Variants in PCDHGA1 observed in about 807,000 individuals in gnomAD.
The protein encoded by PCDHGA1 is protocadherin gamma-A1.
In PCDHGA1, 32 loss-of-function variants were observed where a neutral mutation model predicts 58.0. The observed-to-expected ratio is 0.55, with a 90% CI of 0.42 to 0.74. The LOEUF (loss-of-function observed/expected upper bound fraction) is 0.74. Ranked by LOEUF, PCDHGA1 falls within the 30% of genes least tolerant of loss-of-function variation. The pLI is 0.00. For synonymous variants in PCDHGA1, 498 were observed against 501.1 expected (o/e 0.99, Z 0.08); for missense variants, 1,205 against 1,182.3 (o/e 1.02, Z -0.28).
intron 1 of PCDHGA1, chr5:141,346,558 G>A (rs763459310): frequency 6.7e-7 from 1 of 1,488,910 alleles, no homozygotes; most frequent in Non-Finnish European, 9.1e-7. Flanking sequence ...CCATGAGGTT[G>A]TCATTAGTCC....
At position 141,485,073 on chromosome 5, in the gene PCDHGA1, C is replaced by T. The variant is rs1167407526; in HGVS notation, c.2422-9734C>T. ...CGGCCGAACCGCGCCAGAGCTGGCG[C>T]GGGGAAAGGGAGATAGGTGTCTCCA... On this transcript the variant is annotated intron_variant, in intron 1 of 3. Transcript: ENST00000517417. The surrounding 1 kb of genome is among the most constrained non-coding windows in gnomAD (Gnocchi z 5.7). 3.3e-6 allele frequency: 3 copies of T among 922,354 alleles called. No homozygotes were observed. The highest frequency in any genetic ancestry group is 4.8e-5 in the East Asian group (2 of 41,404). 57.1% of individuals were successfully genotyped at this position (922,354 alleles called of 1,614,324 possible).
chr5:141,477,031 A>G lies in PCDHGA1; in HGVS notation c.2422-17776A>G. 2 of 1,614,248 alleles carry G rather than the reference A, an allele frequency of 1.2e-6. No homozygotes were observed. The highest frequency in any genetic ancestry group is 2.2e-5 in the East Asian group (1 of 44,880). On this transcript the variant is annotated intron_variant, in intron 1 of 3. Transcript: ENST00000517417. This position sits in a 1 kb window ranked among gnomAD's most constrained non-coding sequence, Gnocchi z 4.9. ...TAGACCTTGTAACCGGGATGCTGAC[A>G]ATCAAGGGTCGGCTGGACTTCGAGG...
intron 2 of PCDHGA1, among the ~76,000 whole-genome samples, chr5:141,500,148 G>A (rs936567158): frequency 6.6e-6 from 1 of 150,990 alleles, no homozygotes; most frequent in Non-Finnish European, 1.5e-5. Flanking sequence ...ACTTTTCTTT[G>A]TGTAATCAAA....
At chr5:141,492,240 C>T (rs1031016944) in intron 1 of PCDHGA1, among the ~76,000 whole-genome samples, 1 of 152,242 alleles carries the variant, frequency 6.6e-6, no homozygotes, top group African/African-American at 2.4e-5. Flanking sequence ...CTGCTGGCCA[C>T]CCCCACGGCC....
At chr5:141,450,831 T>TA (rs761717068) in intron 1 of PCDHGA1, among the ~76,000 whole-genome samples, 7,796 of 144,584 alleles carry the variant, frequency 0.054, 354 homozygotes, top group African/African-American at 0.12. Context: ...TTATTATTAT[T>TA]TTTTTTTTTT....
At chr5:141,463,034 G>A (rs2099051345) in intron 1 of PCDHGA1, among the ~76,000 whole-genome samples, 2 of 152,112 alleles carry the variant, frequency 1.3e-5, no homozygotes, top group African/African-American at 4.8e-5. Flanking sequence ...ATTAATCTGA[G>A]TGTTCAGCAG....
At chr5:141,475,778 T>A (rs1204790631) in intron 1 of PCDHGA1, among the ~76,000 whole-genome samples, 1 of 152,400 alleles carries the variant, frequency 6.6e-6, no homozygotes. Context: ...GCGCTTTGGC[T>A]GGAAACTCTG....
intron 1 of PCDHGA1, chr5:141,422,545 T>C: frequency 6.2e-7 from 1 of 1,614,000 alleles, no homozygotes; most frequent in Non-Finnish European, 8.5e-7. Context: ...AACTCATGTC[T>C]GGCTGAATGT....
chr5:141,418,434 C>T, intron 1 of PCDHGA1: 5 of 1,613,944 alleles, frequency 3.1e-6, no homozygotes, highest in Non-Finnish European at 4.2e-6. Context: ...GGCAAATATC[C>T]AGAATTAGTA....
Position 141,344,686 on chromosome 5 carries a change from G to C in PCDHGA1, c.2421+11581G>C, listed in dbSNP as rs759748727. 3.6e-5 allele frequency: 58 copies of C among 1,613,848 alleles called. No homozygotes were observed. Among genetic ancestry groups the C allele is most frequent in the Non-Finnish European group, 4.6e-5 (54 of 1,179,902 alleles). On this transcript the variant is annotated intron_variant, in intron 1 of 3. Transcript: ENST00000517417. ...CTTGTCCTGGTTGCCTCTGATGGTG[G>C]CGACCCTGTCCACTCTGGCAACTTG...
At chr5:141,384,266 C>A in intron 1 of PCDHGA1, 1 of 1,613,876 alleles carries the variant, frequency 6.2e-7, no homozygotes, top group Non-Finnish European at 8.5e-7. Context: ...CCCCACTCAT[C>A]CTACTCAGTC....
chr5:141,355,866 C>T (rs770899476), intron 1 of PCDHGA1: 1 of 1,612,878 alleles, frequency 6.2e-7, no homozygotes, highest in Admixed American at 1.7e-5. Context: ...ACCCGGTTCG[C>T]TCTGGCACTG....
chr5:141,344,553 C>A (rs1401473342), intron 1 of PCDHGA1: 6 of 1,613,858 alleles, frequency 3.7e-6, no homozygotes, highest in African/African-American at 1.3e-5. Context: ...CAAGCTTAGC[C>A]CCAATGACTA....
At chr5:141,484,478 A>G (rs2099596967) in intron 1 of PCDHGA1, among the ~76,000 whole-genome samples, 1 of 152,244 alleles carries the variant, frequency 6.6e-6, no homozygotes, top group Admixed American at 6.5e-5. Context: ...CTTTTCTGCA[A>G]AGAGATGGAT....
intron 2 of PCDHGA1, 145 bp downstream of exon 2, chr5:141,495,010 G>GT: frequency 6.6e-7 from 1 of 1,516,970 alleles, no homozygotes; most frequent in East Asian, 2.5e-5. Flanking sequence ...GTGTGCGGGG[G>GT]GCTGGCACAC....
intron 1 of PCDHGA1, chr5:141,346,240 C>G: frequency 1.2e-6 from 2 of 1,614,204 alleles, no homozygotes; most frequent in Non-Finnish European, 1.7e-6. Context: ...GCGAGTACGC[C>G]CGGCTCGCAC....
At position 141,491,369 on chromosome 5, in the gene PCDHGA1, CCTTT is replaced by C; in HGVS notation, c.2422-3435_2422-3432del. ...AGTCTCTTATCCCTAGTCACCTTCACCTTTCTGTCAGCGAAGTGCCTTCAGGGAA... is the reference window on the plus strand; with the variant it reads ...AGTCTCTTATCCCTAGTCACCTTCACCTGTCAGCGAAGTGCCTTCAGGGAA... On this transcript the variant is annotated intron_variant, in intron 1 of 3. Transcript: ENST00000517417. The surrounding 1 kb of genome is among the most constrained non-coding windows in gnomAD (Gnocchi z 6.9). 1 of 1,614,110 alleles carries C rather than the reference CCTTT, an allele frequency of 6.2e-7. No individual in the cohort carries two copies. Among genetic ancestry groups the C allele is most frequent in the Non-Finnish European group, 8.5e-7 (1 of 1,179,996 alleles).
chr5:141,414,371 A>G (rs1447111430), intron 1 of PCDHGA1: 1 of 1,613,954 alleles, frequency 6.2e-7, no homozygotes, highest in South Asian at 1.1e-5. Flanking sequence ...TTTAAATTAG[A>G]AAAGTCCATT....
At position 141,477,879 on chromosome 5, in the gene PCDHGA1, A is replaced by T. The variant is rs932363258; in HGVS notation, c.2422-16928A>T. The T allele has an allele frequency of 3.4e-5, 55 of 1,614,060 alleles. No homozygotes were observed. The highest frequency in any genetic ancestry group is 4.6e-5 in the Non-Finnish European group (54 of 1,180,034). ...CTGCCTCGAGGTACCTCAGCTGGCCACCTAGTGTCACGGGTGGTAGGCTGG... is the reference window on the plus strand; with the variant it reads ...CTGCCTCGAGGTACCTCAGCTGGCCTCCTAGTGTCACGGGTGGTAGGCTGG... On this transcript the variant is annotated intron_variant, in intron 1 of 3. Coordinates refer to ENST00000517417, the MANE Select transcript of PCDHGA1 (RefSeq NM_018912.3). This position sits in a 1 kb window ranked among gnomAD's most constrained non-coding sequence, Gnocchi z 4.9.
Sources: gnomAD v4.1 joint callset for allele counts (sites outside exome capture counted in the v4.1 genomes callset) on GRCh38, gnomAD v4.1.1 for gene constraint, Gnocchi (gnomAD v3.1) non-coding constraint, MANE v1.5 for transcripts, NCBI Gene and HGNC (gene_info 2026-07-23, HGNC 2026-07-21) for gene names.